The following CDK11B variants were observed in gnomAD, a reference collection of about 807,000 sequenced individuals.
CDK11B encodes the protein cyclin-dependent kinase 11B.
CDK11B carries 37 observed loss-of-function variants against 84.0 expected under a neutral mutation model. That is an observed-to-expected ratio of 0.44 (90% CI 0.34 to 0.58). The LOEUF is 0.58. Among genes scored for constraint, CDK11B ranks in the 20% least tolerant of loss-of-function variants. CDK11B has a pLI of 0.02. For missense variants in CDK11B, 427 were observed against 834.0 expected (o/e 0.51, Z 6.01); for synonymous variants, 269 against 309.8 (o/e 0.87, Z 1.38).
intron 3 of CDK11B, among the ~76,000 whole-genome samples, chr1:1,654,879 T>C (rs533541080): frequency 5.2e-4 from 78 of 149,718 alleles, no homozygotes; most frequent in South Asian, 3.6e-3. Context: ...AGGATGGTCT[T>C]GATCTTCTGA....
intron 4 of CDK11B, among the ~76,000 whole-genome samples, chr1:1,651,136 C>T: frequency 6.6e-6 from 1 of 152,302 alleles, no homozygotes; most frequent in Middle Eastern, 3.4e-3. Context: ...GTAAGAACCT[C>T]CTGATGTTGG....
rs536142325 is a variant in CDK11B, at chr1:1,647,143, A to G, written c.495-1881T>C. 9.8e-4 allele frequency among the ~76,000 whole-genome samples: 149 copies of G among 151,924 alleles called. 1 individual carries two copies. The highest frequency in any genetic ancestry group is 3.4e-3 in the African/African-American group (140 of 41,254). On this transcript the variant is annotated intron_variant, in intron 5 of 19. Coordinates refer to ENST00000341832, the MANE Select transcript of CDK11B (RefSeq NM_033486.3). Reference sequence around the variant, plus strand: ...ACCACGGGTTTCTGAGGCTCTGTGCATTTTTCTTGTTTTTTTCTCTCTGTT... The same window carrying G: ...ACCACGGGTTTCTGAGGCTCTGTGCGTTTTTCTTGTTTTTTTCTCTCTGTT...
At chr1:1,647,313 A>G (rs1210795925) in intron 5 of CDK11B, among the ~76,000 whole-genome samples, 1 of 152,268 alleles carries the variant, frequency 6.6e-6, no homozygotes, top group African/African-American at 2.4e-5. Flanking sequence ...TGTATTTTAG[A>G]TAATACATTT....
intron 11 of CDK11B, among the ~76,000 whole-genome samples, chr1:1,639,667 C>CA (rs1447723339): frequency 3.3e-5 from 5 of 151,898 alleles, no homozygotes; most frequent in Non-Finnish European, 7.4e-5. Flanking sequence ...GGGCAGTCGA[C>CA]AGAGGCCTGC....
At chr1:1,652,135 C>G (rs36173881) in intron 4 of CDK11B, among the ~76,000 whole-genome samples, 50,375 of 150,134 alleles carry the variant, frequency 0.34, 8,886 homozygotes, top group African/African-American at 0.48. Context: ...TATAGCCATT[C>G]TGAATGGTCT....
intron 10 of CDK11B, 91 bp from the exon 11 acceptor site, chr1:1,640,543 T>C (rs1640124512): frequency 1.9e-6 from 3 of 1,564,354 alleles, no homozygotes; most frequent in Non-Finnish European, 2.6e-6. Flanking sequence ...GTGGCAGGGC[T>C]GCCCCGTGTC....
At chr1:1,637,716 A>G (rs201088964) in intron 13 of CDK11B, 46 bp downstream of exon 13, 16,213 of 1,520,546 alleles carry the variant, frequency 0.011, 283 homozygotes, top group African/African-American at 0.08. Context: ...GGGCCCTGTC[A>G]GAAAAGCCTT....
At chr1:1,657,844 G>A (rs867691366) in intron 1 of CDK11B, among the ~76,000 whole-genome samples, 5 of 123,752 alleles carry the variant, frequency 4.0e-5, no homozygotes, top group African/African-American at 1.4e-4. Flanking sequence ...GGTCAAGGCT[G>A]CAATGAGCCA....
chr1:1,637,723 C>T, intron 13 of CDK11B, 39 bp downstream of exon 13: 1 of 1,613,654 alleles, frequency 6.2e-7, no homozygotes. Flanking sequence ...GTCAGAAAAG[C>T]CTTCCACCCG....
In CDK11B at chr1:1,645,238, CCTTTCTAA is replaced by C. The variant is rs1557688217; in HGVS notation, c.511_518del (p.Leu171GlufsTer118). 1 of 1,560,220 alleles carries C rather than the reference CCTTTCTAA, an allele frequency of 6.4e-7. No individual in the cohort carries two copies. Among genetic ancestry groups the C allele is most frequent in the Non-Finnish European group, 8.8e-7 (1 of 1,138,692 alleles). The stretch of plus-strand genomic sequence containing the variant: ...GCATCTTGCGCTCCCGCTCCCGCTT[CCTTTCTAA>C]CTGCTCCAAGCGGTCCCTGAAGAGG... On this transcript the variant is annotated frameshift_variant, in exon 6 of 20. Transcript: ENST00000341832. LOFTEE classifies it high-confidence loss of function.
chr1:1,648,183 C>T (rs980712289), intron 5 of CDK11B, among the ~76,000 whole-genome samples: 4 of 152,250 alleles, frequency 2.6e-5, no homozygotes, highest in Non-Finnish European at 4.4e-5. Flanking sequence ...CAGAAGTCTG[C>T]CCCCAACAAT....
At chr1:1,655,249 C>CT (rs1642590402) in intron 3 of CDK11B, 120 bp downstream of exon 3, 4 of 1,268,554 alleles carry the variant, frequency 3.2e-6, no homozygotes, top group Non-Finnish European at 4.2e-6. Flanking sequence ...CACAGTAACT[C>CT]TAGGAAAGAG....
rs1394919436 is a variant in CDK11B, at chr1:1,650,016, G to A, written c.356-379C>T. ...AGACCGGGCGCGGTGGCTCACGCCT[G>A]TAATTCCAGCACTCTGGGAGGCCGA... On this transcript the variant is annotated intron_variant, in intron 4 of 19. Transcript: ENST00000341832. Among the ~76,000 whole-genome samples, 9 of 150,040 alleles carry A rather than the reference G, an allele frequency of 6.0e-5. No individual in the cohort carries two copies. The South Asian group carries it at 1.1e-3, about 18-fold the overall frequency.
intron 2 of CDK11B, among the ~76,000 whole-genome samples, 189 bp from the exon 3 acceptor site, chr1:1,655,673 C>T (rs550487308): frequency 1.3e-5 from 2 of 152,210 alleles, no homozygotes; most frequent in East Asian, 3.9e-4. Flanking sequence ...CTTGTAATCC[C>T]AGCACTTTGG....
chr1:1,636,900 G>A lies in CDK11B; in HGVS notation c.1797C>T (p.Ala599=). 3 of 1,606,950 alleles carry A rather than the reference G, an allele frequency of 1.9e-6. No homozygotes were observed. The highest frequency in any genetic ancestry group is 1.7e-4 in the Middle Eastern group (1 of 5,916). The change falls in exon 16 of 20, where the codon GCC becomes GCT. Residue 599 remains alanine (A), a synonymous_variant. Coordinates refer to ENST00000341832, the MANE Select transcript of CDK11B (RefSeq NM_033486.3). ...WYRAPELLLG[A]KEYSTAVDMW... The stretch of plus-strand genomic sequence containing the variant: ...CACTCAGACGCCCAGGACTCACCTT[G>A]GCACCAAGCAGCAGCTCTGGGGCGC...
intron 3 of CDK11B, 114 bp downstream of exon 3, chr1:1,655,255 A>C (rs1241793980): frequency 7.7e-7 from 1 of 1,294,918 alleles, no homozygotes; most frequent in Non-Finnish European, 1.0e-6. Flanking sequence ...AACTCTAGGA[A>C]AGAGTAAACC....
At chr1:1,655,523 G>A (rs761079627) in intron 2 of CDK11B, 39 bp from the exon 3 acceptor site, 1 of 1,514,292 alleles carries the variant, frequency 6.6e-7, no homozygotes, top group African/African-American at 1.4e-5. Context: ...TTCTTTATAA[G>A]TTTTTTTTTC....
In CDK11B at chr1:1,637,816, C is replaced by G. The variant is rs117061368; in HGVS notation, c.1410G>C (p.Leu470=). 1.5e-3 allele frequency: 2,464 copies of G among 1,613,236 alleles called. 42 individuals are homozygous for G. The East Asian group carries it at 0.045, about 29-fold the overall frequency. ...KEKEGFPITS[L]REINTILKAQ... is the part of the protein sequence containing the mutation. ...CCTTGAGGATGGTGTTGATCTCCCT[C>G]AGCGACGTGATCGGGAAGCCCTCCT... The change falls in exon 13 of 20, where the codon CTG becomes CTC. Residue 470 remains leucine (L), a synonymous_variant. Coordinates refer to ENST00000341832, the MANE Select transcript of CDK11B (RefSeq NM_033486.3).
chr1:1,655,174 G>A (rs372654164), intron 3 of CDK11B, among the ~76,000 whole-genome samples, 195 bp downstream of exon 3: 25 of 151,656 alleles, frequency 1.6e-4, no homozygotes, highest in Admixed American at 5.2e-4. Flanking sequence ...GGTCTGGAGG[G>A]CCACAGACAA....
Sources: gnomAD v4.1 joint callset for allele counts (sites outside exome capture counted in the v4.1 genomes callset) on GRCh38, gnomAD v4.1.1 for gene constraint, MANE v1.5 for transcripts, NCBI Gene and HGNC (gene_info 2026-07-23, HGNC 2026-07-21) for gene names.